SARDH: variants seen among roughly 807,000 people sequenced by gnomAD.
SARDH encodes sarcosine dehydrogenase, mitochondrial.
A neutral mutation model predicts 109.1 loss-of-function variants in SARDH; 95 were observed. That is an observed-to-expected ratio of 0.87 (90% CI 0.74 to 1.03). The LOEUF (loss-of-function observed/expected upper bound fraction) is 1.03. Among genes scored for constraint, SARDH ranks in the 50% least tolerant of loss-of-function variants. The probability of loss-of-function intolerance (pLI) is 0.00; values close to 1 mark genes in which losing one functional copy is unlikely to be tolerated. For synonymous variants in SARDH, 572 were observed against 534.8 expected (o/e 1.07, Z -0.96); for missense variants, 1,267 against 1,287.8 (o/e 0.98, Z 0.25).
At position 133,732,573 on chromosome 9, in the gene SARDH, G is replaced by A. The variant is rs746909924; in HGVS notation, c.360C>T (p.Asp120=). Residue 120 remains aspartate (D), a synonymous_variant, in exon 3 of 21, where the codon GAC becomes GAT. Transcript: ENST00000439388. ...TGTGGGCCAGAAGCTCCACCTCCAC[G>A]TCACTGGGCCGCAGCTGCCACAGCA... ...AGLLWQLRPS[D]VEVELLAHTR... 4.3e-6 allele frequency: 7 copies of A among 1,611,638 alleles called. No homozygotes were observed. The highest frequency in any genetic ancestry group is 5.9e-6 in the Non-Finnish European group (7 of 1,178,902).
intron 6 of SARDH, among the ~76,000 whole-genome samples, chr9:133,722,121 C>CACAAAACAAA (rs57378996): frequency 0.036 from 5,374 of 150,546 alleles, 352 homozygotes; most frequent in African/African-American, 0.12. Flanking sequence ...GTCTCAAAAA[C>CACAAAACAAA]ACAAAACAAA....
At chr9:133,696,423 G>C in intron 13 of SARDH, 62 bp from the exon 14 acceptor site, 2 of 1,607,276 alleles carry the variant, frequency 1.2e-6, no homozygotes, top group South Asian at 1.1e-5. Flanking sequence ...TCTTCCTCAA[G>C]AACGTGGAGA....
intron 6 of SARDH, among the ~76,000 whole-genome samples, chr9:133,723,581 T>G (rs1396907539): frequency 6.6e-6 from 1 of 152,104 alleles, no homozygotes; most frequent in African/African-American, 2.4e-5. Flanking sequence ...GCTAACGTGG[T>G]GAAACCCTGT....
chr9:133,680,327 AG>A (rs1338488660), intron 17 of SARDH, among the ~76,000 whole-genome samples: 2 of 46,664 alleles, frequency 4.3e-5, no homozygotes, highest in African/African-American at 3.5e-4. Flanking sequence ...CAAACCCCCC[AG>A]TGTCTGTGGC....
intron 4 of SARDH, among the ~76,000 whole-genome samples, chr9:133,730,930 T>A (rs1362661109): frequency 6.6e-6 from 1 of 152,120 alleles, no homozygotes; most frequent in Non-Finnish European, 1.5e-5. Flanking sequence ...TGAGCAGTGA[T>A]CATGCCACTG....
At chr9:133,700,735 G>GCACACACACACACACGCA (rs1173272067) in intron 13 of SARDH, among the ~76,000 whole-genome samples, 1 of 57,972 alleles carries the variant, frequency 1.7e-5, no homozygotes, top group Non-Finnish European at 3.7e-5. Context: ...ACACACGCAC[G>GCACACACACACACACGCA]CGCACACACA....
chr9:133,738,656 C>T (rs758739962), upstream of SARDH, among the ~76,000 whole-genome samples: 5 of 152,312 alleles, frequency 3.3e-5, no homozygotes, highest in East Asian at 5.8e-4. Flanking sequence ...CCGAGCTCCC[C>T]GCGCCCAGAA....
Position 133,671,537 on chromosome 9 carries a change from T to C in SARDH, c.2324A>G (p.Lys775Arg). The stretch of plus-strand genomic sequence containing the variant: ...TGCTGTCCAGACCCTGCACTCACCT[T>C]TCTCAATGCTCAGGGAGTCGATGGC... The part of the protein sequence containing the change: ...YRAIDSLSIE[K>R]GYRHWHADLR... The change falls in exon 18 of 21, where the codon AAA becomes AGA. Residue 775 changes from lysine to arginine, a missense_variant and splice_region_variant. Transcript: ENST00000439388. The C allele has an allele frequency of 6.2e-7, 1 of 1,604,984 alleles. No individual in the cohort carries two copies. The highest frequency in any genetic ancestry group is 2.2e-5 in the East Asian group (1 of 44,586).
At chr9:133,733,187 T>C (rs952085872) in intron 2 of SARDH, among the ~76,000 whole-genome samples, 1 of 152,152 alleles carries the variant, frequency 6.6e-6, no homozygotes. Flanking sequence ...CCGGCTCGCA[T>C]CAGCTCTCAG....
Position 133,666,739 on chromosome 9 carries a change from C to T in SARDH, c.2627G>A (p.Gly876Glu), listed in dbSNP as rs772972360. 6.3e-6 allele frequency: 10 copies of T among 1,590,154 alleles called. No individual in the cohort carries two copies. In the Admixed American group the frequency reaches 1.4e-4, roughly 23 times the overall value. Residue 876 changes from glycine to glutamate, a missense_variant, in exon 20 of 21, where the codon GGG becomes GAG. Physicochemically the swap from Gly to Glu is moderately conservative, Grantham distance 98 (BLOSUM62 -2). Coordinates refer to ENST00000439388, the MANE Select transcript of SARDH (RefSeq NM_001134707.2). The surrounding 1 kb of genome is among the most constrained non-coding windows in gnomAD (Gnocchi z 5.2). Reference sequence around the variant, plus strand: ...GGGCCAGAGAAGGGGACTCACCGGCCCACCGCTGGGGTCATGGATGTAACC... The same window carrying T: ...GGGCCAGAGAAGGGGACTCACCGGCTCACCGCTGGGGTCATGGATGTAACC... ...AYGYIHDPSG[G>E]PVSLDFVKSG... is the part of the protein sequence containing the mutation.
intron 11 of SARDH, among the ~76,000 whole-genome samples, chr9:133,707,836 T>C (rs1244701510): frequency 6.6e-6 from 1 of 152,106 alleles, no homozygotes; most frequent in African/African-American, 2.4e-5. Flanking sequence ...TTTCACTGAA[T>C]GGGTGAGTCG....
chr9:133,682,647 G>A (rs1033217586), intron 17 of SARDH, among the ~76,000 whole-genome samples: 2 of 151,530 alleles, frequency 1.3e-5, no homozygotes, highest in African/African-American at 2.4e-5. Context: ...TGAAACCCAC[G>A]CGCAGTGATG....
chr9:133,666,746 TG>T lies in SARDH; in HGVS notation c.2619del (p.Ser874AlafsTer10). Reference sequence around the variant, plus strand: ...AGAAGGGGACTCACCGGCCCACCGCTGGGGTCATGGATGTAACCGTAGGCGA... The same window carrying T: ...AGAAGGGGACTCACCGGCCCACCGCTGGGTCATGGATGTAACCGTAGGCGA... ...KTIAYGYIHDPSGGPVSLDFV... is the reference protein window; with the variant it reads ...KTIAYGYIHDXSGGPVSLDFV... On this transcript the variant is annotated frameshift_variant, in exon 20 of 21. Coordinates refer to ENST00000439388, the MANE Select transcript of SARDH (RefSeq NM_001134707.2). LOFTEE classifies it high-confidence loss of function. This position sits in a 1 kb window ranked among gnomAD's most constrained non-coding sequence, Gnocchi z 5.2. 3 of 1,594,290 alleles carry T rather than the reference TG, an allele frequency of 1.9e-6. No individual in the cohort carries two copies. Among genetic ancestry groups the T allele is most frequent in the Non-Finnish European group, 2.6e-6 (3 of 1,170,784 alleles).
rs529582205 is a variant in SARDH at position 133,681,483 on chromosome 9, G to T, written c.2163+3710C>A. On this transcript the variant is annotated intron_variant, in intron 17 of 20. Transcript: ENST00000439388. ...TGCCTAGGACCTCTTTCCAGTACAGGCTGGGCTGTGGCTGCAGGTCCCTTC... is the reference window on the plus strand; with the variant it reads ...TGCCTAGGACCTCTTTCCAGTACAGTCTGGGCTGTGGCTGCAGGTCCCTTC... Among the ~76,000 whole-genome samples the T allele has an allele frequency of 2.5e-4, 38 of 152,294 alleles. No homozygotes were observed. The South Asian group carries it at 7.1e-3, about 28-fold the overall frequency.
chr9:133,668,043 C>T (rs1028769919), intron 19 of SARDH, among the ~76,000 whole-genome samples: 1 of 152,080 alleles, frequency 6.6e-6, no homozygotes, highest in African/African-American at 2.4e-5. Context: ...TCACAGGGGC[C>T]GTCCGAGGCC....
chr9:133,734,805 G>A (rs1832827186), intron 1 of SARDH, among the ~76,000 whole-genome samples: 1 of 152,350 alleles, frequency 6.6e-6, no homozygotes. Context: ...CAGACAGCGA[G>A]AGGCTGGGGC....
At chr9:133,691,056 T>C (rs73564158) in intron 15 of SARDH, among the ~76,000 whole-genome samples, 3,211 of 152,106 alleles carry the variant, frequency 0.021, 110 homozygotes, top group African/African-American at 0.071. Flanking sequence ...CAACAGAGAA[T>C]GAAGGCAAAG....
In SARDH at chr9:133,671,632, G is replaced by T; in HGVS notation, c.2229C>A (p.Ser743=). The T allele has an allele frequency of 6.3e-7, 1 of 1,598,598 alleles. No individual in the cohort carries two copies. ...LGWELHIPKA[S]CVPVYRAVMA... is the part of the protein sequence containing the mutation. Reference sequence around the variant, plus strand: ...TCACAGCCCGGTACACAGGCACGCAGGACGCCTTTGGAATGTGCAGCTCCC... The same window carrying T: ...TCACAGCCCGGTACACAGGCACGCATGACGCCTTTGGAATGTGCAGCTCCC... The change falls in exon 18 of 21, where the codon TCC becomes TCA. Residue 743 remains serine (S), a synonymous_variant. Coordinates refer to ENST00000439388, the MANE Select transcript of SARDH (RefSeq NM_001134707.2).
chr9:133,716,979 A>C (rs1334735397), intron 8 of SARDH, among the ~76,000 whole-genome samples: 1 of 152,146 alleles, frequency 6.6e-6, no homozygotes, highest in Non-Finnish European at 1.5e-5. Flanking sequence ...GTGGCCCGCT[A>C]TTCCCATTTT....
Sources: gnomAD v4.1 joint callset for allele counts (sites outside exome capture counted in the v4.1 genomes callset) on GRCh38, gnomAD v4.1.1 for gene constraint, Gnocchi (gnomAD v3.1) non-coding constraint, MANE v1.5 for transcripts, NCBI Gene and HGNC (gene_info 2026-07-23, HGNC 2026-07-21) for gene names.